The following NHSL1 variants were observed in gnomAD, a reference collection of about 807,000 sequenced individuals.
NHSL1 encodes NHS like 1.
A neutral mutation model predicts 95.0 loss-of-function variants in NHSL1; 48 were observed. That is an observed-to-expected ratio of 0.51 (90% CI 0.40 to 0.64). The LOEUF (loss-of-function observed/expected upper bound fraction) is 0.64. Among genes scored for constraint, NHSL1 ranks in the 30% least tolerant of loss-of-function variants. The probability of loss-of-function intolerance (pLI) is 0.00; values close to 1 mark genes in which losing one functional copy is unlikely to be tolerated. For synonymous variants in NHSL1, 783 were observed against 833.9 expected (o/e 0.94, Z 1.05); for missense variants, 1,971 against 2,077.7 (o/e 0.95, Z 1.00).
At chr6:138,652,492 C>T (rs904947653) in intron 1 of NHSL1, among the ~76,000 whole-genome samples, 6 of 151,120 alleles carry the variant, frequency 4.0e-5, no homozygotes, top group African/African-American at 1.2e-4. Context: ...ACTTTAAAAG[C>T]CCAATTTTTC....
At chr6:138,682,058 T>C (rs981007649) in intron 1 of NHSL1, among the ~76,000 whole-genome samples, 10 of 151,646 alleles carry the variant, frequency 6.6e-5, no homozygotes, top group Non-Finnish European at 1.5e-4. Flanking sequence ...CTTGGCTCAC[T>C]GCAACCTCCA....
At chr6:138,507,709 A>T (rs548046184) in intron 1 of NHSL1, among the ~76,000 whole-genome samples, 1 of 152,370 alleles carries the variant, frequency 6.6e-6, no homozygotes, top group Non-Finnish European at 1.5e-5. Context: ...ATGTTATTTC[A>T]CAAAAGCATG....
At chr6:138,435,438 T>TAA (rs368998084) in intron 5 of NHSL1, 4 of 151,044 alleles carry the variant, frequency 2.6e-5, no homozygotes, top group East Asian at 1.9e-4. Flanking sequence ...TCTAGGCATG[T>TAA]AAAAAAAAAT....
At chr6:138,532,785 T>C (rs934518868) in intron 1 of NHSL1, among the ~76,000 whole-genome samples, 2 of 152,144 alleles carry the variant, frequency 1.3e-5, no homozygotes, top group Admixed American at 6.5e-5. Flanking sequence ...TGCAGAAATT[T>C]TACTCACGGC....
At chr6:138,573,068 T>TCC (rs1783899066), upstream of NHSL1, among the ~76,000 whole-genome samples, 1 of 152,272 alleles carries the variant, frequency 6.6e-6, no homozygotes, top group South Asian at 2.1e-4. Context: ...TGGGGCTGGA[T>TCC]CCTCCTCTGC....
chr6:138,649,407 T>G lies in NHSL1; in HGVS notation c.96+43069A>C, dbSNP rs140846665. Among the ~76,000 whole-genome samples the G allele has an allele frequency of 2.2e-3, 335 of 151,622 alleles. 1 individual carries two copies. Among genetic ancestry groups the G allele is most frequent in the African/African-American group, 7.5e-3 (310 of 41,374 alleles). ...ACCTATATATAATATATATCCTTAT[T>G]TCCTTCTATAAAGCCATCCAAAAAA... On this transcript the variant is annotated intron_variant, in intron 1 of 3. Coordinates refer to the NHSL1 transcript ENST00000491526.
At position 138,429,209 on chromosome 6, in the gene NHSL1, G is replaced by A. The variant is rs114470043; in HGVS notation, c.4085+502C>T. Among the ~76,000 whole-genome samples the A allele has an allele frequency of 4.9e-3, 747 of 152,254 alleles. 6 individuals are homozygous for A. Among genetic ancestry groups the A allele is most frequent in the African/African-American group, 0.017 (711 of 41,546 alleles). On this transcript the variant is annotated intron_variant, in intron 7 of 7. Coordinates refer to ENST00000343505, the MANE Select transcript of NHSL1 (RefSeq NM_001144060.2). Reference sequence around the variant, plus strand: ...TTCTTTTGCTCCCGCTTAAAGGGCCGTACTCTTTTATAGAAACACTTAAGC... The same window carrying A: ...TTCTTTTGCTCCCGCTTAAAGGGCCATACTCTTTTATAGAAACACTTAAGC...
chr6:138,663,326 C>T (rs891617876), intron 1 of NHSL1, among the ~76,000 whole-genome samples: 2 of 151,328 alleles, frequency 1.3e-5, no homozygotes, highest in Non-Finnish European at 2.9e-5. Context: ...TTTGGGAGGC[C>T]GAGGCAGGCA....
chr6:138,485,665 T>G (rs1416611662), intron 2 of NHSL1, among the ~76,000 whole-genome samples: 1 of 152,180 alleles, frequency 6.6e-6, no homozygotes, highest in Non-Finnish European at 1.5e-5. Context: ...TAGGAGAAGT[T>G]AAATAGCCCC....
intron 1 of NHSL1, among the ~76,000 whole-genome samples, chr6:138,663,541 CAAGAGCAA>C (rs1178867014): frequency 9.6e-6 from 1 of 104,414 alleles, no homozygotes; most frequent in Non-Finnish European, 1.9e-5. Context: ...GCCTGGGCAA[CAAGAGCAA>C]AACTCCATCT....
chr6:138,437,317 TATACACACACAC>T (rs1776184221), intron 5 of NHSL1, among the ~76,000 whole-genome samples: 16 of 21,360 alleles, frequency 7.5e-4, no homozygotes, highest in African/African-American at 2.1e-3. Flanking sequence ...TATATATATA[TATACACACACAC>T]ATATATATAT....
At chr6:138,539,093 C>T (rs1395243167) in intron 1 of NHSL1, among the ~76,000 whole-genome samples, 1 of 152,182 alleles carries the variant, frequency 6.6e-6, no homozygotes, top group East Asian at 1.9e-4. Flanking sequence ...ACATAATCAC[C>T]AGATAGAAGA....
At chr6:138,551,508 C>T (rs4481452) in intron 1 of NHSL1, among the ~76,000 whole-genome samples, 43,127 of 152,002 alleles carry the variant, frequency 0.28, 6,683 homozygotes, top group Middle Eastern at 0.49. Flanking sequence ...CTGGTGGCAC[C>T]TATGACCATG....
chr6:138,483,219 G>A (rs2128264623), intron 2 of NHSL1, among the ~76,000 whole-genome samples: 1 of 152,294 alleles, frequency 6.6e-6, no homozygotes, highest in Non-Finnish European at 1.5e-5. Context: ...CCCAAAGAGG[G>A]CAATAGAATT....
chr6:138,670,283 G>A (rs566808425), intron 1 of NHSL1, among the ~76,000 whole-genome samples: 6 of 151,310 alleles, frequency 4.0e-5, no homozygotes, highest in Non-Finnish European at 7.4e-5. Flanking sequence ...GAGACAGCCA[G>A]AGACTACTAG....
chr6:138,606,143 C>A (rs756791246), intron 1 of NHSL1, among the ~76,000 whole-genome samples: 4 of 152,142 alleles, frequency 2.6e-5, no homozygotes, highest in Non-Finnish European at 5.9e-5. Context: ...CTGCCACCCA[C>A]AGAATGACAA....
chr6:138,491,787 T>C (rs2128280632), intron 2 of NHSL1, among the ~76,000 whole-genome samples: 1 of 152,306 alleles, frequency 6.6e-6, no homozygotes, highest in Non-Finnish European at 1.5e-5. Flanking sequence ...ATGTTTCCGA[T>C]TTGGGTTTTT....
At chr6:138,529,324 T>C (rs1782039762) in intron 1 of NHSL1, among the ~76,000 whole-genome samples, 1 of 152,202 alleles carries the variant, frequency 6.6e-6, no homozygotes, top group Non-Finnish European at 1.5e-5. Flanking sequence ...ATAGAAAGGT[T>C]CCCAAAGCAA....
At chr6:138,457,307 A>G (rs1164055736) in intron 3 of NHSL1, among the ~76,000 whole-genome samples, 1 of 152,174 alleles carries the variant, frequency 6.6e-6, no homozygotes, top group African/African-American at 2.4e-5. Flanking sequence ...TTGCTACACT[A>G]TATTCCCACT....
Sources: gnomAD v4.1 joint callset for allele counts (sites outside exome capture counted in the v4.1 genomes callset) on GRCh38, gnomAD v4.1.1 for gene constraint, MANE v1.5 for transcripts, NCBI Gene and HGNC (gene_info 2026-07-23, HGNC 2026-07-21) for gene names.